Variants in GNB1 observed in about 807,000 individuals in gnomAD.
The protein encoded by GNB1 is G protein subunit beta 1, also known as guanine nucleotide-binding protein G(I)/G(S)/G(T) subunit beta-1.
In GNB1, 2 loss-of-function variants were observed where a neutral mutation model predicts 42.9. The observed-to-expected ratio is 0.05, with a 90% CI of 0.02 to 0.15. The LOEUF is 0.15. GNB1 is among the 10% of genes least tolerant of loss of function. The pLI, the probability that GNB1 is intolerant of heterozygous loss-of-function variation, is 1.00. For missense variants in GNB1, 193 were observed against 462.2 expected (o/e 0.42, Z 5.34); for synonymous variants, 183 against 174.7 (o/e 1.05, Z -0.38).
intron 3 of GNB1, among the ~76,000 whole-genome samples, chr1:1,824,118 G>C (rs1646966960): frequency 6.6e-6 from 1 of 152,194 alleles, no homozygotes. Flanking sequence ...AAGAGTAAGA[G>C]AAAGCTCTTA....
At chr1:1,850,851 TTGTC>T (rs767849582) in intron 1 of GNB1, among the ~76,000 whole-genome samples, 14 of 152,320 alleles carry the variant, frequency 9.2e-5, no homozygotes, top group South Asian at 2.1e-4. Flanking sequence ...GTACACCTCT[TTGTC>T]TGAGCCACTA....
At chr1:1,795,645 C>A (rs760794386) in intron 7 of GNB1, among the ~76,000 whole-genome samples, 5 of 151,916 alleles carry the variant, frequency 3.3e-5, no homozygotes, top group Non-Finnish European at 7.4e-5. Context: ...CCCAGCTACT[C>A]GAGAGGCTGA....
chr1:1,885,551 CTTTTTTTTTTT>C (rs60651257), intron 1 of GNB1, among the ~76,000 whole-genome samples: 1 of 94,060 alleles, frequency 1.1e-5, no homozygotes, highest in African/African-American at 3.5e-5. Flanking sequence ...TCCACTTAAT[CTTTTTTTTTTT>C]TTTTTTTTTT....
At chr1:1,829,303 G>A (rs1489807705) in intron 2 of GNB1, among the ~76,000 whole-genome samples, 4 of 152,052 alleles carry the variant, frequency 2.6e-5, no homozygotes, top group African/African-American at 7.2e-5. Flanking sequence ...TGATCCGCCC[G>A]CCTCGGCCTC....
intron 1 of GNB1, among the ~76,000 whole-genome samples, chr1:1,860,462 A>C (rs941370309): frequency 6.6e-6 from 1 of 151,986 alleles, no homozygotes; most frequent in Non-Finnish European, 1.5e-5. Flanking sequence ...AAAATAAATA[A>C]ATAAAAACAA....
At chr1:1,869,734 T>C (rs1325489686) in intron 1 of GNB1, among the ~76,000 whole-genome samples, 2 of 152,212 alleles carry the variant, frequency 1.3e-5, no homozygotes, top group African/African-American at 2.4e-5. Context: ...TCTGATTTTG[T>C]AATAGGTCAA....
At chr1:1,801,485 C>A (rs1209400663) in intron 7 of GNB1, among the ~76,000 whole-genome samples, 1 of 152,164 alleles carries the variant, frequency 6.6e-6, no homozygotes, top group Non-Finnish European at 1.5e-5. Context: ...ACAGCAGGCC[C>A]GTGTGGCTGT....
intron 2 of GNB1, among the ~76,000 whole-genome samples, chr1:1,838,222 C>T (rs970091641): frequency 6.6e-6 from 1 of 151,906 alleles, no homozygotes; most frequent in African/African-American, 2.4e-5. Flanking sequence ...AAAAGAATAT[C>T]CAATTGTTCC....
chr1:1,877,320 T>C (rs1355684600), intron 1 of GNB1, among the ~76,000 whole-genome samples: 1 of 143,438 alleles, frequency 7.0e-6, no homozygotes. Context: ...AAAAAAAATA[T>C]ATATATATAT....
intron 1 of GNB1, among the ~76,000 whole-genome samples, chr1:1,879,063 G>A (rs1257613498): frequency 3.3e-5 from 5 of 152,104 alleles, no homozygotes; most frequent in East Asian, 1.9e-4. Context: ...CTACACCAAC[G>A]GGTCTTCACC....
intron 8 of GNB1, among the ~76,000 whole-genome samples, chr1:1,792,460 G>A (rs892472183): frequency 1.3e-5 from 2 of 152,124 alleles, no homozygotes; most frequent in African/African-American, 4.8e-5. Flanking sequence ...CACTTTCAGA[G>A]GCTGACGCAG....
chr1:1,833,240 A>AGCT (rs1253005866), intron 2 of GNB1, among the ~76,000 whole-genome samples: 3 of 152,172 alleles, frequency 2.0e-5, no homozygotes, highest in African/African-American at 7.2e-5. Flanking sequence ...CAAGGATCAC[A>AGCT]GCTCACCTCC....
In GNB1 at chr1:1,862,957, G is replaced by A. The variant is rs572752778; in HGVS notation, c.-95-23719C>T. On this transcript the variant is annotated intron_variant, in intron 1 of 11. Transcript: ENST00000378609. The stretch of plus-strand genomic sequence containing the variant: ...ACAAATAACTGCCATACACACACAA[G>A]AGGGAAAACCAAACCTCATTCAGCC... 3.3e-5 allele frequency among the ~76,000 whole-genome samples: 5 copies of A among 152,272 alleles called. No individual in the cohort carries two copies. In the East Asian group the frequency reaches 9.6e-4, roughly 29 times the overall value.
intron 2 of GNB1, among the ~76,000 whole-genome samples, chr1:1,830,460 A>T (rs1647060683): frequency 6.6e-6 from 1 of 151,222 alleles, no homozygotes; most frequent in African/African-American, 2.4e-5. Context: ...ACGGGGTTTC[A>T]CCGTGGTCTC....
chr1:1,810,613 C>T (rs918946700), intron 5 of GNB1, among the ~76,000 whole-genome samples: 2 of 149,024 alleles, frequency 1.3e-5, no homozygotes, highest in Non-Finnish European at 3.0e-5. Flanking sequence ...ACATCTGATA[C>T]ATTAATACAT....
At chr1:1,799,222 C>CCCTCTT (rs1646591132) in intron 7 of GNB1, among the ~76,000 whole-genome samples, 1 of 152,138 alleles carries the variant, frequency 6.6e-6, no homozygotes, top group South Asian at 2.1e-4. Flanking sequence ...GCCCAGCCCA[C>CCCTCTT]AAACACTCTT....
At chr1:1,818,946 T>C (rs1456863258) in intron 3 of GNB1, among the ~76,000 whole-genome samples, 2 of 152,086 alleles carry the variant, frequency 1.3e-5, no homozygotes, top group Non-Finnish European at 2.9e-5. Context: ...GCAAGGGACC[T>C]GGAGCCAGAC....
At chr1:1,814,288 G>A (rs906159859) in intron 5 of GNB1, among the ~76,000 whole-genome samples, 2 of 152,124 alleles carry the variant, frequency 1.3e-5, no homozygotes, top group Non-Finnish European at 2.9e-5. Context: ...GCTAACAACG[G>A]AATACAAAGA....
At chr1:1,885,818 A>G (rs1650121717) in intron 1 of GNB1, among the ~76,000 whole-genome samples, 1 of 150,340 alleles carries the variant, frequency 6.7e-6, no homozygotes, top group South Asian at 2.1e-4. Context: ...TCGGCCTCCC[A>G]AAGTGCTGGG....
Sources: gnomAD v4.1 joint callset for allele counts (sites outside exome capture counted in the v4.1 genomes callset) on GRCh38, gnomAD v4.1.1 for gene constraint, MANE v1.5 for transcripts, NCBI Gene and HGNC (gene_info 2026-07-23, HGNC 2026-07-21) for gene names.